CLYBL: variants seen among roughly 807,000 people sequenced by gnomAD.
The protein encoded by CLYBL is citramalyl-CoA lyase, mitochondrial.
CLYBL carries 31 observed loss-of-function variants against 38.9 expected under a neutral mutation model. The observed-to-expected ratio is 0.80, with a 90% CI of 0.60 to 1.08. The LOEUF is 1.08. CLYBL is among the 50% of genes least tolerant of loss of function. The pLI, the probability that CLYBL is intolerant of heterozygous loss-of-function variation, is 0.00. For synonymous variants in CLYBL, 171 were observed against 158.6 expected (o/e 1.08, Z -0.59); for missense variants, 434 against 411.6 (o/e 1.05, Z -0.47).
chr13:99,773,706 T>A (rs534408439), intron 2 of CLYBL, among the ~76,000 whole-genome samples: 6 of 152,184 alleles, frequency 3.9e-5, no homozygotes, highest in Non-Finnish European at 7.3e-5. Flanking sequence ...ATTTTCAGAC[T>A]GATAAAATGC....
chr13:99,646,772 C>T (rs992352442), intron 1 of CLYBL, among the ~76,000 whole-genome samples: 9 of 151,808 alleles, frequency 5.9e-5, no homozygotes, highest in Non-Finnish European at 1.5e-5. Context: ...GATCCACCCA[C>T]CTTGGCCTCC....
chr13:99,841,056 C>G (rs1385970793), intron 2 of CLYBL, among the ~76,000 whole-genome samples: 2 of 152,142 alleles, frequency 1.3e-5, no homozygotes. Flanking sequence ...CCATCTGCAA[C>G]CTATAGCCTG....
chr13:99,797,530 A>G (rs1266520985), intron 2 of CLYBL, among the ~76,000 whole-genome samples: 1 of 132,380 alleles, frequency 7.6e-6, no homozygotes, highest in Non-Finnish European at 1.6e-5. Flanking sequence ...TTAATATATA[A>G]AAGATTTCTG....
intron 1 of CLYBL, among the ~76,000 whole-genome samples, chr13:99,705,305 T>A (rs774967005): frequency 1.2e-4 from 18 of 151,942 alleles, no homozygotes; most frequent in Non-Finnish European, 2.5e-4. Flanking sequence ...ATTCTACCAG[T>A]CACGGTGGCT....
intron 1 of CLYBL, among the ~76,000 whole-genome samples, chr13:99,757,922 A>G (rs2049095876): frequency 6.6e-6 from 1 of 152,192 alleles, no homozygotes; most frequent in Non-Finnish European, 1.5e-5. Flanking sequence ...CATTTATGTG[A>G]TATGTATCAC....
intron 1 of CLYBL, among the ~76,000 whole-genome samples, chr13:99,621,871 G>C (rs1020961580): frequency 2.6e-5 from 4 of 152,126 alleles, no homozygotes; most frequent in Admixed American, 6.5e-5. Context: ...GACACCCTTG[G>C]TTAAGTTAAC....
intron 2 of CLYBL, among the ~76,000 whole-genome samples, chr13:99,779,855 T>A (rs1374958858): frequency 1.3e-5 from 2 of 152,216 alleles, no homozygotes; most frequent in Non-Finnish European, 2.9e-5. Flanking sequence ...AGAAATGTGA[T>A]GTGAATGGTG....
chr13:99,742,957 G>C (rs1400609470), intron 1 of CLYBL, among the ~76,000 whole-genome samples: 1 of 151,890 alleles, frequency 6.6e-6, no homozygotes, highest in African/African-American at 2.4e-5. Flanking sequence ...TCACACTTTT[G>C]CTAGCCCTCT....
intron 1 of CLYBL, among the ~76,000 whole-genome samples, chr13:99,621,216 G>A (rs2046791074): frequency 6.6e-6 from 1 of 151,718 alleles, no homozygotes; most frequent in East Asian, 1.9e-4. Context: ...ATTTCCCAGT[G>A]ACCTCCAATT....
chr13:99,861,148 C>T (rs573852285), intron 3 of CLYBL, among the ~76,000 whole-genome samples: 77 of 152,228 alleles, frequency 5.1e-4, no homozygotes, highest in African/African-American at 1.7e-3. Context: ...AACATTTAAT[C>T]GTCTCCTTTT....
chr13:99,632,422 C>T (rs969579630), intron 1 of CLYBL, among the ~76,000 whole-genome samples: 7 of 152,164 alleles, frequency 4.6e-5, no homozygotes, highest in African/African-American at 1.4e-4. Flanking sequence ...TATAACATAT[C>T]GATCATCATG....
chr13:99,836,033 G>A (rs1886030), intron 2 of CLYBL, among the ~76,000 whole-genome samples: 15,585 of 152,226 alleles, frequency 0.1, 898 homozygotes, highest in East Asian at 0.23. Context: ...GGGCTTGAGA[G>A]TTCGGGATGA....
intron 2 of CLYBL, among the ~76,000 whole-genome samples, chr13:99,819,895 C>T (rs892542572): frequency 6.6e-6 from 1 of 152,202 alleles, no homozygotes; most frequent in African/African-American, 2.4e-5. Flanking sequence ...AACACCCTCA[C>T]AGGTATACCT....
intron 2 of CLYBL, among the ~76,000 whole-genome samples, chr13:99,812,574 C>A (rs530373887): frequency 6.6e-6 from 1 of 152,348 alleles, no homozygotes; most frequent in South Asian, 2.1e-4. Context: ...ATGATTTCTA[C>A]ACACACTTCC....
intron 1 of CLYBL, among the ~76,000 whole-genome samples, chr13:99,682,421 AG>A (rs1179979441): frequency 1.3e-5 from 2 of 151,816 alleles, no homozygotes; most frequent in Admixed American, 6.6e-5. Context: ...GGATAACAGG[AG>A]TGAGCCACCG....
chr13:99,779,516 G>A (rs754723323), intron 2 of CLYBL, among the ~76,000 whole-genome samples: 9 of 152,186 alleles, frequency 5.9e-5, no homozygotes, highest in Non-Finnish European at 8.8e-5. Flanking sequence ...GCTTCCCAAA[G>A]TCTATGATGA....
At chr13:99,795,855 ATTC>A (rs1214797909) in intron 2 of CLYBL, among the ~76,000 whole-genome samples, 3 of 152,168 alleles carry the variant, frequency 2.0e-5, no homozygotes, top group African/African-American at 7.2e-5. Context: ...ACCAATAGGC[ATTC>A]TGCTGAGCAT....
chr13:99,891,678 G>T (rs2052493755), intron 8 of CLYBL: 4 of 337,578 alleles, frequency 1.2e-5, no homozygotes, highest in Non-Finnish European at 2.2e-5. Flanking sequence ...TCACAGGGAG[G>T]TAAGATCCTG....
At chr13:99,766,002 C>G (rs138056220) in intron 1 of CLYBL, among the ~76,000 whole-genome samples, 168 of 152,186 alleles carry the variant, frequency 1.1e-3, no homozygotes, top group African/African-American at 3.8e-3. Context: ...CAGGCATGCA[C>G]CACAATGCCC....
Sources: allele counts gnomAD v4.1 joint callset (sites outside exome capture counted in the v4.1 genomes callset), GRCh38; gene constraint gnomAD v4.1.1; transcripts MANE v1.5; gene names NCBI Gene and HGNC (gene_info 2026-07-23, HGNC 2026-07-21).